STPG4: variants seen among roughly 807,000 people sequenced by gnomAD.
STPG4 encodes sperm-tail PG-rich repeat containing 4.
In STPG4, 41 loss-of-function variants were observed where a neutral mutation model predicts 31.5. The observed-to-expected ratio is 1.30, with a 90% confidence interval of 1.01 to 1.69. STPG4 has a LOEUF of 1.69. Among genes scored for constraint, STPG4 ranks in the 40% most tolerant of loss-of-function variants. The pLI is 0.00. For missense variants in STPG4, 375 were observed against 293.4 expected (o/e 1.28, Z -2.03); for synonymous variants, 141 against 103.0 (o/e 1.37, Z -2.24).
chr2:47,106,053 AAAAGAAAGAG>A (rs985758209), intron 5 of STPG4, among the ~76,000 whole-genome samples: 16 of 151,938 alleles, frequency 1.1e-4, no homozygotes, highest in Non-Finnish European at 2.2e-4. Flanking sequence ...GAAAGAGAGA[AAAAGAAAGAG>A]AAAGAAAGAG....
chr2:47,090,346 T>C lies in STPG4; in HGVS notation c.548A>G (p.Asn183Ser), dbSNP rs773328108. 4.1e-5 allele frequency: 64 copies of C among 1,551,934 alleles called. No individual in the cohort carries two copies. The highest frequency in any genetic ancestry group is 5.5e-5 in the Non-Finnish European group (63 of 1,146,938). ...PHEGPGPGHY[N>S]VKMPPTSSVT... Reference sequence around the variant, plus strand: ...AGAGCTTGTTGGAGGCATTTTCACATTATAATGACCTGGACCAGGGCCTTC... The same window carrying C: ...AGAGCTTGTTGGAGGCATTTTCACACTATAATGACCTGGACCAGGGCCTTC... The change falls in exon 6 of 7, where the codon AAT (asparagine) becomes AGT (serine). Residue 183 changes from asparagine (N) to serine (S), a missense_variant. Transcript: ENST00000445927.
intron 5 of STPG4, among the ~76,000 whole-genome samples, chr2:47,122,826 GT>G (rs1365612105): frequency 3.1e-5 from 4 of 128,416 alleles, no homozygotes; most frequent in East Asian, 2.1e-4. Flanking sequence ...TGTTTGTTTT[GT>G]TTTTGTTTTT....
intron 5 of STPG4, among the ~76,000 whole-genome samples, chr2:47,125,047 C>G (rs1406291545): frequency 6.6e-6 from 1 of 152,168 alleles, no homozygotes; most frequent in Non-Finnish European, 1.5e-5. Context: ...TTTTATACAC[C>G]TGTTGGCCAT....
chr2:47,148,282 G>A (rs958857173), intron 3 of STPG4, among the ~76,000 whole-genome samples: 17 of 152,008 alleles, frequency 1.1e-4, no homozygotes, highest in African/African-American at 4.1e-4. Flanking sequence ...TGTTCAGTAC[G>A]GGTGAAAGGG....
chr2:47,106,051 G>A lies in STPG4; in HGVS notation c.520-15677C>T, dbSNP rs570202872. 3.4e-4 allele frequency among the ~76,000 whole-genome samples: 52 copies of A among 151,268 alleles called. 1 individual carries two copies. Among genetic ancestry groups the A allele is most frequent in the African/African-American group, 1.2e-3 (49 of 41,052 alleles). On this transcript the variant is annotated intron_variant, in intron 5 of 6. Transcript: ENST00000445927. ...GAAAGACCAGCAAGAAGGAAAGAGA[G>A]AAAAAGAAAGAGAAAGAAAGAGAGG...
At chr2:47,090,477 G>A in intron 5 of STPG4, 103 bp from the exon 6 acceptor site, 1 of 764,472 alleles carries the variant, frequency 1.3e-6, no homozygotes, top group Non-Finnish European at 2.2e-6. Flanking sequence ...CTGTGATATA[G>A]TAGAAAAATC....
intron 5 of STPG4, among the ~76,000 whole-genome samples, chr2:47,093,126 C>T (rs1427998994): frequency 6.6e-6 from 1 of 152,228 alleles, no homozygotes; most frequent in Non-Finnish European, 1.5e-5. Context: ...TTCCCATTCT[C>T]TCTGGCAGGT....
At chr2:47,141,486 C>A (rs1686705526) in intron 3 of STPG4, among the ~76,000 whole-genome samples, 1 of 151,854 alleles carries the variant, frequency 6.6e-6, no homozygotes, top group Non-Finnish European at 1.5e-5. Context: ...CTTTTGTTTG[C>A]CACACTCTTG....
rs1686929553 is a variant in STPG4 at position 47,151,284 on chromosome 2, G to C, written c.373C>G (p.Pro125Ala). 2 of 1,614,164 alleles carry C rather than the reference G, an allele frequency of 1.2e-6. No individual in the cohort carries two copies. The highest frequency in any genetic ancestry group is 1.7e-6 in the Non-Finnish European group (2 of 1,180,026). The change falls in exon 3 of 7, where the codon CCC becomes GCC. Residue 125 changes from proline (P) to alanine (A), a missense_variant. By Grantham distance (27) the Pro-to-Ala change is conservative. Coordinates refer to ENST00000445927, the MANE Select transcript of STPG4 (RefSeq NM_001163561.2). ...YSFKDKPRPS[P>A]STLVDKDQSL... is the part of the protein sequence containing the mutation. ...TGATCTTTGTCAACTAGTGTGCTGG[G>C]GCTTGGCCGTGGTTTGTCTTTGAAT...
In STPG4 at chr2:47,155,021, A is replaced by G. The variant is rs1398037100; in HGVS notation, c.81+150T>C. ...ATAAAGACCAGGAAGGAAGGTCCGC[A>G]GGTGGAGACGTGCGTGAGGGCAGGG... is the stretch of plus-strand genomic sequence containing the variant. On this transcript the variant is annotated intron_variant, in intron 1 of 6. Coordinates refer to ENST00000445927, the MANE Select transcript of STPG4 (RefSeq NM_001163561.2). 6.1e-6 allele frequency: 4 copies of G among 659,058 alleles called. No individual in the cohort carries two copies. The East Asian group carries it at 1.1e-4, about 18-fold the overall frequency. The allele number at this position is 659,058 out of a possible 1,614,324, so 40.8% of individuals were successfully genotyped here. A position where few individuals can be genotyped will look rare whatever the true frequency, so the allele number is the denominator to read the frequency against.
At chr2:47,148,899 T>C (rs1276643665) in intron 3 of STPG4, among the ~76,000 whole-genome samples, 1 of 152,216 alleles carries the variant, frequency 6.6e-6, no homozygotes, top group Non-Finnish European at 1.5e-5. Flanking sequence ...CTGAAAACTT[T>C]ATTACAAATA....
intron 5 of STPG4, chr2:47,120,931 G>T (rs1686260808): frequency 6.6e-6 from 1 of 152,280 alleles, no homozygotes; most frequent in Non-Finnish European, 1.5e-5. Context: ...TACACAAAGA[G>T]CCAAGAGAGA....
chr2:47,113,061 G>C (rs192015013), intron 5 of STPG4, among the ~76,000 whole-genome samples: 57 of 151,158 alleles, frequency 3.8e-4, no homozygotes, highest in African/African-American at 1.3e-3. Context: ...TCTCTGGAGG[G>C]AATTTTTTAA....
intron 5 of STPG4, among the ~76,000 whole-genome samples, chr2:47,104,160 C>A (rs1685855150): frequency 6.6e-6 from 1 of 151,930 alleles, no homozygotes; most frequent in South Asian, 2.1e-4. Context: ...ACCCTGAAGT[C>A]TGGGCATTGG....
intron 3 of STPG4, among the ~76,000 whole-genome samples, chr2:47,134,509 C>T (rs1686557928): frequency 1.3e-5 from 2 of 152,190 alleles, no homozygotes; most frequent in Non-Finnish European, 1.5e-5. Context: ...TTTATGTTTC[C>T]TCCATGTCTT....
intron 5 of STPG4, among the ~76,000 whole-genome samples, chr2:47,115,204 T>C (rs12612191): frequency 0.048 from 7,377 of 152,304 alleles, 267 homozygotes; most frequent in East Asian, 0.19. Flanking sequence ...CCTTTTTCTT[T>C]TGAAACATTC....
At chr2:47,128,224 C>T (rs1484928515) in intron 5 of STPG4, among the ~76,000 whole-genome samples, 1 of 152,086 alleles carries the variant, frequency 6.6e-6, no homozygotes, top group African/African-American at 2.4e-5. Context: ...TGCTGAGATG[C>T]CTAAAGCTGA....
chr2:47,089,920 C>CTCCCAGA (rs1338979214), intron 6 of STPG4, among the ~76,000 whole-genome samples: 2 of 152,218 alleles, frequency 1.3e-5, no homozygotes, highest in Non-Finnish European at 1.5e-5. Flanking sequence ...ACACAGAGAA[C>CTCCCAGA]AGCCATTCTG....
In STPG4 at chr2:47,130,314, T is replaced by G. The variant is rs1573183644; in HGVS notation, c.400-54A>C. On this transcript the variant is annotated intron_variant, in intron 3 of 6. Coordinates refer to ENST00000445927, the MANE Select transcript of STPG4 (RefSeq NM_001163561.2). ...GATTAATAGAGGTTGTAAACTCACTTCGTTATCTGTCATTCGTAATCTTTT... is the reference window on the plus strand; with the variant it reads ...GATTAATAGAGGTTGTAAACTCACTGCGTTATCTGTCATTCGTAATCTTTT... 3 of 1,375,712 alleles carry G rather than the reference T, an allele frequency of 2.2e-6. No individual in the cohort carries two copies. In the East Asian group the frequency reaches 6.9e-5, roughly 31 times the overall value. 85.2% of individuals were successfully genotyped at this position (1,375,712 alleles called of 1,614,324 possible). A position where few individuals can be genotyped will look rare whatever the true frequency, so the allele number is the denominator to read the frequency against.
Sources: allele counts gnomAD v4.1 joint callset (sites outside exome capture counted in the v4.1 genomes callset), GRCh38; gene constraint gnomAD v4.1.1; transcripts MANE v1.5; gene names NCBI Gene and HGNC (gene_info 2026-07-23, HGNC 2026-07-21).